DENND5A: variants seen among roughly 807,000 people sequenced by gnomAD.
DENND5A encodes the protein DENN domain-containing protein 5A.
DENND5A carries 64 observed loss-of-function variants against 140.3 expected under a neutral mutation model. The ratio of observed to expected loss-of-function variants is 0.46; its 90% CI spans 0.37 to 0.56. DENND5A has a LOEUF of 0.56. Ranked by LOEUF, DENND5A falls within the 20% of genes least tolerant of loss-of-function variation. DENND5A has a pLI of 0.00. For synonymous variants in DENND5A, 605 were observed against 607.7 expected (o/e 1.00, Z 0.07); for missense variants, 1,292 against 1,593.8 (o/e 0.81, Z 3.22).
At chr11:9,177,869 A>G in intron 8 of DENND5A, 1 of 359,930 alleles carries the variant, frequency 2.8e-6, no homozygotes. Context: ...TCTTGCTAAT[A>G]TAAGAAAAAG....
At chr11:9,166,075 T>C (rs1848181337) in intron 10 of DENND5A, 108 bp from the exon 11 acceptor site, 21 of 1,121,008 alleles carry the variant, frequency 1.9e-5, no homozygotes, top group Non-Finnish European at 1.3e-6. Flanking sequence ...CATTTTCTTT[T>C]TTTTTCTTTT....
intron 1 of DENND5A, among the ~76,000 whole-genome samples, chr11:9,235,473 T>C (rs1850960549): frequency 6.6e-6 from 1 of 151,682 alleles, no homozygotes; most frequent in African/African-American, 2.4e-5. Context: ...AGCTGGCCAA[T>C]GTGGTAAAAC....
chr11:9,235,906 C>G (rs888503409), intron 1 of DENND5A, among the ~76,000 whole-genome samples: 4 of 152,068 alleles, frequency 2.6e-5, no homozygotes, highest in Admixed American at 2.6e-4. Context: ...ATGCTGATGG[C>G]TACACAAAAC....
chr11:9,242,547 C>G (rs1016941517), intron 1 of DENND5A: 1 of 152,136 alleles, frequency 6.6e-6, no homozygotes, highest in African/African-American at 2.4e-5. Flanking sequence ...ACAGGGAGAA[C>G]AGGCTTCCAA....
chr11:9,162,233 CTTTTTTTTTTT>C (rs1221675349), intron 11 of DENND5A, among the ~76,000 whole-genome samples: 1 of 97,334 alleles, frequency 1.0e-5, no homozygotes, highest in African/African-American at 3.9e-5. Flanking sequence ...CCAGTTCCTT[CTTTTTTTTTTT>C]TTTTTTTTTT....
In DENND5A at chr11:9,147,066, C is replaced by A. The variant is rs755714912; in HGVS notation, c.2821G>T (p.Asp941Tyr). The A allele has an allele frequency of 6.2e-7, 1 of 1,613,986 alleles. No homozygotes were observed. The highest frequency in any genetic ancestry group is 8.5e-7 in the Non-Finnish European group (1 of 1,179,992). Residue 941 changes from aspartate to tyrosine, a missense_variant, in exon 16 of 23, where the codon GAT becomes TAT. Asp to Tyr is a radical substitution (Grantham distance 160). Around this residue, in one of 4 missense-constraint regions of DENND5A, gnomAD observed 498 missense variants for 689.7 expected, o/e 0.72. Transcript: ENST00000328194. ...LYHLLSFNAV[D>Y]YFCFTNVFTT... Reference sequence around the variant, plus strand: ...AAGACATTGGTGAAGCAAAAGTAATCGACGGCATTGAAAGACAGGAGGTGA... The same window carrying A: ...AAGACATTGGTGAAGCAAAAGTAATAGACGGCATTGAAAGACAGGAGGTGA...
At chr11:9,158,641 G>C (rs968681100) in intron 12 of DENND5A, among the ~76,000 whole-genome samples, 1 of 152,118 alleles carries the variant, frequency 6.6e-6, no homozygotes, top group Admixed American at 6.5e-5. Flanking sequence ...AACTTGCTTA[G>C]TTTCATAAAG....
intron 1 of DENND5A, among the ~76,000 whole-genome samples, chr11:9,250,938 A>G (rs1477750089): frequency 1.3e-5 from 2 of 152,008 alleles, no homozygotes; most frequent in African/African-American, 4.8e-5. Context: ...GTTCGAGGCC[A>G]GCCCCGACCA....
chr11:9,208,978 C>T (rs564538779), intron 1 of DENND5A, among the ~76,000 whole-genome samples: 1 of 152,158 alleles, frequency 6.6e-6, no homozygotes, highest in Non-Finnish European at 1.5e-5. Context: ...AGCAGCAAGC[C>T]GCTGACATAA....
intron 9 of DENND5A, 84 bp downstream of exon 9, chr11:9,170,543 T>C (rs1848335286): frequency 3.3e-6 from 5 of 1,524,728 alleles, no homozygotes; most frequent in East Asian, 2.3e-5. Flanking sequence ...CAAGGTCTTC[T>C]AGGGGTAACA....
chr11:9,208,979 G>A (rs1346887108), intron 1 of DENND5A, among the ~76,000 whole-genome samples: 5 of 152,188 alleles, frequency 3.3e-5, no homozygotes, highest in African/African-American at 9.7e-5. Context: ...GCAGCAAGCC[G>A]CTGACATAAT....
In DENND5A at chr11:9,252,366, C is replaced by A. The variant is rs899606453; in HGVS notation, c.109+12595G>T. ...ATAGCCTGTGTTTAATTACTGAATT[C>A]GGCCAGGTGCAGTGGCTCATGCCTG... On this transcript the variant is annotated intron_variant, in intron 1 of 22. Transcript: ENST00000328194. Among the ~76,000 whole-genome samples, 5 of 137,816 alleles carry A rather than the reference C, an allele frequency of 3.6e-5. No individual in the cohort carries two copies. In the Admixed American group the frequency reaches 3.7e-4, roughly 10 times the overall value. The allele number at this position is 137,816 out of a possible 152,430, so 90.4% of individuals were successfully genotyped here. A position where few individuals can be genotyped will look rare whatever the true frequency, so the allele number is the denominator to read the frequency against.
At chr11:9,250,208 C>T (rs906663049) in intron 1 of DENND5A, among the ~76,000 whole-genome samples, 35 of 151,328 alleles carry the variant, frequency 2.3e-4, no homozygotes, top group Non-Finnish European at 3.8e-4. Context: ...AGATGCAAAT[C>T]TTTTTTTTCC....
At chr11:9,217,282 AG>A (rs1483659532) in intron 1 of DENND5A, among the ~76,000 whole-genome samples, 1 of 152,142 alleles carries the variant, frequency 6.6e-6, no homozygotes, top group Non-Finnish European at 1.5e-5. Flanking sequence ...TGAGAGGCTG[AG>A]GCGGGTGATC....
chr11:9,142,870 GC>G, intron 20 of DENND5A, 25 bp from the exon 21 acceptor site: 1 of 1,611,982 alleles, frequency 6.2e-7, no homozygotes, highest in Non-Finnish European at 8.5e-7. Context: ...AGGGGAGGGT[GC>G]CAGGCTTGTC....
At position 9,139,758 on chromosome 11, in the gene DENND5A, A is replaced by C. The variant is rs976599160; in HGVS notation, c.3777T>G (p.Leu1259=). ...GCAGCACACGAATCAAGGAATTGAC[A>C]AGTGTATGGTCTTTGATCAGTGCCA... ...EDVALIKDHT[L]VNSLIRVLQT... The change falls in exon 23 of 23, where the codon CTT becomes CTG. Residue 1259 remains leucine, a synonymous_variant. Transcript: ENST00000328194. The C allele has an allele frequency of 9.3e-6, 15 of 1,614,118 alleles. No individual in the cohort carries two copies. The highest frequency in any genetic ancestry group is 1.2e-5 in the Non-Finnish European group (14 of 1,180,006).
At chr11:9,260,479 T>A (rs935916026) in intron 1 of DENND5A, among the ~76,000 whole-genome samples, 2 of 152,128 alleles carry the variant, frequency 1.3e-5, no homozygotes, top group Admixed American at 1.3e-4. Flanking sequence ...CCTCCCCACT[T>A]ACGATGTGCC....
At chr11:9,157,364 A>G (rs1847841944) in intron 12 of DENND5A, among the ~76,000 whole-genome samples, 1 of 152,196 alleles carries the variant, frequency 6.6e-6, no homozygotes, top group South Asian at 2.1e-4. Flanking sequence ...AGGGGCACAC[A>G]TGCAAGTTTG....
chr11:9,216,437 G>T (rs1056241693), intron 1 of DENND5A, among the ~76,000 whole-genome samples: 2 of 152,220 alleles, frequency 1.3e-5, no homozygotes, highest in Non-Finnish European at 2.9e-5. Context: ...AAATCAGAGT[G>T]AAGGTAATAG....
Sources: gnomAD v4.1 joint callset for allele counts (sites outside exome capture counted in the v4.1 genomes callset) on GRCh38, gnomAD v4.1.1 for gene constraint, gnomAD v4.1.1 regional missense constraint, MANE v1.5 for transcripts, NCBI Gene and HGNC (gene_info 2026-07-23, HGNC 2026-07-21) for gene names.